Variants in SLC19A3 observed in about 807,000 individuals in gnomAD.
The protein encoded by SLC19A3 is thiamine transporter 2.
In SLC19A3, 31 loss-of-function variants were observed where a neutral mutation model predicts 40.2. The observed-to-expected ratio is 0.77, with a 90% CI of 0.58 to 1.04. The LOEUF is 1.04. SLC19A3 is among the 50% of genes least tolerant of loss of function. The pLI, the probability that SLC19A3 is intolerant of heterozygous loss-of-function variation, is 0.00. For synonymous variants in SLC19A3, 212 were observed against 227.5 expected (o/e 0.93, Z 0.61); for missense variants, 592 against 596.7 (o/e 0.99, Z 0.08).
chr2:227,686,171 T>C lies in SLC19A3; in HGVS notation c.*1226A>G, dbSNP rs1165002058. 2.2e-6 allele frequency: 1 copy of C among 445,324 alleles called. No homozygotes were observed. The highest frequency in any genetic ancestry group is 4.5e-6 in the Non-Finnish European group (1 of 221,024). The allele number at this position is 445,324 out of a possible 1,614,324, so 27.6% of individuals were successfully genotyped here. ...AAGATCACGCCATTGCATTCCAGCC[T>C]GGGTGAGAGAGCGAGACTGTCTCAA... On this transcript the variant is annotated 3_prime_UTR_variant, in exon 6 of 6. Coordinates refer to ENST00000644224, the MANE Select transcript of SLC19A3 (RefSeq NM_025243.4).
At chr2:227,695,617 AAAAC>A in intron 4 of SLC19A3, 1 of 411,410 alleles carries the variant, frequency 2.4e-6, no homozygotes, top group South Asian at 2.3e-5. Flanking sequence ...CAAACAAAAT[AAAAC>A]AAAAAGAAAA....
In SLC19A3 at chr2:227,696,084, GAA is replaced by G. The variant is rs11334205; in HGVS notation, c.980-5_980-4del. The G allele has an allele frequency of 1.2e-6, 2 of 1,613,360 alleles. No individual in the cohort carries two copies. The highest frequency in any genetic ancestry group is 1.1e-5 in the South Asian group (1 of 91,064). On this transcript the variant is annotated splice_region_variant and splice_polypyrimidine_tract_variant and intron_variant, in intron 3 of 5. Transcript: ENST00000644224. ...CACTGCAAAGGCAGCCACAGCCCCT[GAA>G]AAAAAACATTGAAGGCAATCAAACA...
chr2:227,712,799 A>G (rs1696185610), intron 1 of SLC19A3, among the ~76,000 whole-genome samples: 1 of 94,618 alleles, frequency 1.1e-5, no homozygotes, highest in South Asian at 5.4e-4. Context: ...TTGCTGTGCC[A>G]AGGAATCCAG....
Position 227,688,201 on chromosome 2 carries a change from C to T in SLC19A3, c.1279G>A (p.Asp427Asn). Residue 427 changes from aspartate (D) to asparagine (N), a missense_variant, in exon 5 of 6, where the codon GAT becomes AAT. By Grantham distance (23) the Asp-to-Asn change is conservative (BLOSUM62 1). Coordinates refer to ENST00000644224, the MANE Select transcript of SLC19A3 (RefSeq NM_025243.4). ...IQTIMTVIVV[D>N]QRGLNLPVSI... ...ACTGGCAAGTTGAGCCCTCTCTGAT[C>T]TACTACAATCACAGTCATGATGGTC... 2 of 1,614,060 alleles carry T rather than the reference C, an allele frequency of 1.2e-6. No homozygotes were observed. The highest frequency in any genetic ancestry group is 1.7e-6 in the Non-Finnish European group (2 of 1,179,966).
intron 3 of SLC19A3, among the ~76,000 whole-genome samples, chr2:227,697,881 T>A (rs1695501200): frequency 6.6e-6 from 1 of 151,774 alleles, no homozygotes; most frequent in Non-Finnish European, 1.5e-5. Flanking sequence ...ATTGAGACCA[T>A]CCTGGGCAAC....
At chr2:227,690,643 C>T (rs1324121288) in intron 4 of SLC19A3, among the ~76,000 whole-genome samples, 1 of 125,310 alleles carries the variant, frequency 8.0e-6, no homozygotes, top group East Asian at 2.7e-4. Context: ...GGAGGTGGAG[C>T]TTGCAGTGAG....
chr2:227,705,108 C>T (rs1695878026), intron 1 of SLC19A3, among the ~76,000 whole-genome samples: 1 of 151,814 alleles, frequency 6.6e-6, no homozygotes, highest in African/African-American at 2.4e-5. Flanking sequence ...AAACTCCTGA[C>T]CTCAGGTGAT....
At chr2:227,708,611 A>C (rs1469077039) in intron 1 of SLC19A3, among the ~76,000 whole-genome samples, 3 of 151,894 alleles carry the variant, frequency 2.0e-5, no homozygotes, top group Non-Finnish European at 4.4e-5. Flanking sequence ...ACAACAAAAA[A>C]AACTTTCCAA....
chr2:227,702,392 C>T (rs2106332871), intron 1 of SLC19A3, 72 bp from the exon 2 acceptor site: 2 of 1,478,594 alleles, frequency 1.4e-6, no homozygotes, highest in East Asian at 2.4e-5. Context: ...CGATGAAAAC[C>T]TGATTTTTTT....
In SLC19A3 at chr2:227,688,146, A is replaced by G. The variant is rs2106318065; in HGVS notation, c.1314+20T>C. 6.2e-7 allele frequency: 1 copy of G among 1,613,924 alleles called. No homozygotes were observed. The highest frequency in any genetic ancestry group is 8.5e-7 in the Non-Finnish European group (1 of 1,179,868). On this transcript the variant is annotated intron_variant, in intron 5 of 5. Transcript: ENST00000644224. ...AATTTTTGAGGTTACCTAGTTGAAA[A>G]CAGAAGTATTGCAGCTTACCTGAAT... is the stretch of plus-strand genomic sequence containing the variant.
intron 1 of SLC19A3, among the ~76,000 whole-genome samples, chr2:227,707,648 A>G (rs942139808): frequency 4.8e-5 from 7 of 146,636 alleles, no homozygotes; most frequent in Non-Finnish European, 1.1e-4. Context: ...GGAAATAATT[A>G]TTTTTCATAT....
intron 4 of SLC19A3, 128 bp downstream of exon 4, chr2:227,695,761 T>G: frequency 1.1e-6 from 1 of 906,848 alleles, no homozygotes. Flanking sequence ...TGTGTCTAAT[T>G]TAATATAAAG....
At chr2:227,717,442 G>A (rs191222150) in intron 1 of SLC19A3, among the ~76,000 whole-genome samples, 2 of 152,212 alleles carry the variant, frequency 1.3e-5, no homozygotes, top group African/African-American at 4.8e-5. Context: ...GATGACTTAG[G>A]TATCCTTTCC....
intron 1 of SLC19A3, among the ~76,000 whole-genome samples, chr2:227,707,350 C>T (rs1046114472): frequency 5.9e-5 from 9 of 152,066 alleles, no homozygotes; most frequent in African/African-American, 2.2e-4. Flanking sequence ...TGTGGGAGGC[C>T]AAGTCAGGTG....
intron 2 of SLC19A3, 162 bp downstream of exon 2, chr2:227,702,007 G>A: frequency 3.1e-6 from 2 of 647,394 alleles, no homozygotes; most frequent in Non-Finnish European, 5.3e-6. Context: ...GTAAGAAGAG[G>A]AAATAGTTTG....
chr2:227,708,059 A>G (rs1170505061), intron 1 of SLC19A3, among the ~76,000 whole-genome samples: 2 of 152,158 alleles, frequency 1.3e-5, no homozygotes, highest in African/African-American at 4.8e-5. Flanking sequence ...ATTGCCATGT[A>G]TTCCACATAA....
intron 2 of SLC19A3, chr2:227,701,622 A>G (rs1247000062): frequency 9.8e-6 from 1 of 102,510 alleles, no homozygotes; most frequent in African/African-American, 4.0e-5. Context: ...ACTCCATCTC[A>G]AACAAAAACA....
At chr2:227,711,211 A>G (rs1401786758) in intron 1 of SLC19A3, among the ~76,000 whole-genome samples, 1 of 152,096 alleles carries the variant, frequency 6.6e-6, no homozygotes, top group Non-Finnish European at 1.5e-5. Context: ...TCAGGTCAGG[A>G]GTTCGAGACC....
At chr2:227,691,926 T>C (rs1695246620) in intron 4 of SLC19A3, among the ~76,000 whole-genome samples, 1 of 152,142 alleles carries the variant, frequency 6.6e-6, no homozygotes, top group South Asian at 2.1e-4. Context: ...TAAAGGATCA[T>C]CAGTGGCTAC....
Sources: gnomAD v4.1 joint callset for allele counts (sites outside exome capture counted in the v4.1 genomes callset) on GRCh38, gnomAD v4.1.1 for gene constraint, MANE v1.5 for transcripts, NCBI Gene and HGNC (gene_info 2026-07-23, HGNC 2026-07-21) for gene names.